The following MYO1D variants were observed in gnomAD, a reference collection of about 807,000 sequenced individuals.
MYO1D encodes the protein myosin ID.
In MYO1D, 83 loss-of-function variants were observed where a neutral mutation model predicts 122.0. That is an observed-to-expected ratio of 0.68 (90% CI 0.57 to 0.82). MYO1D has a LOEUF of 0.82. Among genes scored for constraint, MYO1D ranks in the 40% least tolerant of loss-of-function variants. The pLI is 0.00. For missense variants in MYO1D, 1,157 were observed against 1,269.5 expected (o/e 0.91, Z 1.35); for synonymous variants, 464 against 446.9 (o/e 1.04, Z -0.48).
chr17:32,785,174 G>T lies in MYO1D; in HGVS notation c.96-4390C>A, dbSNP rs115985833. 1.3e-3 allele frequency among the ~76,000 whole-genome samples: 198 copies of T among 152,248 alleles called. 1 individual carries two copies. Among genetic ancestry groups the T allele is most frequent in the African/African-American group, 4.4e-3 (181 of 41,544 alleles). ...AAATATATTTGAGTTAGGCAGAAGA[G>T]AAAAAGGAATTTATTTCAGATGACC... is the stretch of plus-strand genomic sequence containing the variant. On this transcript the variant is annotated intron_variant, in intron 1 of 21. Transcript: ENST00000318217.
intron 20 of MYO1D, among the ~76,000 whole-genome samples, chr17:32,614,823 C>T (rs527441828): frequency 6.3e-4 from 96 of 152,324 alleles, no homozygotes; most frequent in African/African-American, 2.2e-3. Flanking sequence ...GGTGCCATGC[C>T]GTGAGGCAGC....
At chr17:32,769,625 G>C (rs957313053) in intron 6 of MYO1D, among the ~76,000 whole-genome samples, 3 of 151,858 alleles carry the variant, frequency 2.0e-5, no homozygotes, top group African/African-American at 7.3e-5. Context: ...ATAAAAACAG[G>C]TTTATTTAAT....
At chr17:32,564,950 T>G (rs1298788546) in intron 21 of MYO1D, among the ~76,000 whole-genome samples, 4 of 152,242 alleles carry the variant, frequency 2.6e-5, no homozygotes, top group African/African-American at 9.6e-5. Flanking sequence ...TGATAACTCT[T>G]CCTGCTTCAT....
intron 21 of MYO1D, among the ~76,000 whole-genome samples, chr17:32,508,313 C>T (rs1037431872): frequency 1.8e-4 from 27 of 151,858 alleles, no homozygotes; most frequent in Admixed American, 6.6e-5. Context: ...CTTGCTCTGT[C>T]ACCCAGGCTG....
intron 16 of MYO1D, among the ~76,000 whole-genome samples, chr17:32,710,673 A>G (rs927258074): frequency 3.3e-5 from 5 of 152,250 alleles, no homozygotes; most frequent in African/African-American, 4.8e-5. Flanking sequence ...AGGAGAATAT[A>G]TAACATCTAA....
chr17:32,723,176 A>G (rs971382889), intron 14 of MYO1D, among the ~76,000 whole-genome samples: 1 of 152,196 alleles, frequency 6.6e-6, no homozygotes, highest in Non-Finnish European at 1.5e-5. Context: ...TCTGTGAATC[A>G]TTCTAGTGAA....
Position 32,659,317 on chromosome 17 carries a change from G to C in MYO1D, c.2143C>G (p.Arg715Gly), listed in dbSNP as rs767385284. The C allele has an allele frequency of 6.2e-7, 1 of 1,613,954 alleles. No individual in the cohort carries two copies. Among genetic ancestry groups the C allele is most frequent in the Non-Finnish European group, 8.5e-7 (1 of 1,180,026 alleles). The change falls in exon 17 of 22, where the codon CGC becomes GGC. Residue 715 changes from arginine to glycine, a missense_variant. Physicochemically the swap from Arg to Gly is moderately radical, Grantham distance 125. Coordinates refer to ENST00000318217, the MANE Select transcript of MYO1D (RefSeq NM_015194.3). The stretch of plus-strand genomic sequence containing the variant: ...GCCTTGGTTCTTTTGTACCGCATGC[G>C]GGCCAGGGTGCCCCGCCACACCTTC... The part of the protein sequence containing the change: ...LQKVWRGTLA[R>G]MRYKRTKAAL...
At chr17:32,739,455 G>C (rs1186595418) in intron 13 of MYO1D, among the ~76,000 whole-genome samples, 1 of 146,218 alleles carries the variant, frequency 6.8e-6, no homozygotes, top group Non-Finnish European at 1.5e-5. Flanking sequence ...AGAACACTCG[G>C]ACAGAGGAAG....
intron 21 of MYO1D, among the ~76,000 whole-genome samples, chr17:32,514,036 G>C (rs922623540): frequency 2.6e-5 from 4 of 151,828 alleles, no homozygotes; most frequent in African/African-American, 7.3e-5. Context: ...GAGGTCAGGA[G>C]TTCAAGACCA....
intron 21 of MYO1D, among the ~76,000 whole-genome samples, chr17:32,562,520 T>C (rs2087135249): frequency 6.6e-6 from 1 of 152,192 alleles, no homozygotes; most frequent in Non-Finnish European, 1.5e-5. Flanking sequence ...TCTTGCTCTG[T>C]TGCCCAGGCT....
At chr17:32,741,224 TAAAA>T (rs58505921) in intron 13 of MYO1D, among the ~76,000 whole-genome samples, 3 of 100,300 alleles carry the variant, frequency 3.0e-5, no homozygotes, top group Non-Finnish European at 6.3e-5. Context: ...ATACCACTTC[TAAAA>T]AAAAAAAAAA....
At chr17:32,545,879 A>G (rs1280104007) in intron 21 of MYO1D, among the ~76,000 whole-genome samples, 1 of 151,700 alleles carries the variant, frequency 6.6e-6, no homozygotes, top group Non-Finnish European at 1.5e-5. Context: ...TAAGAATTTA[A>G]GGTCTGTTTC....
chr17:32,728,878 T>A (rs565814216), intron 14 of MYO1D, among the ~76,000 whole-genome samples: 4 of 152,304 alleles, frequency 2.6e-5, no homozygotes, highest in Admixed American at 6.5e-5. Flanking sequence ...AGTGGCAATA[T>A]TGGATGAGAC....
chr17:32,574,713 C>G (rs141181326), intron 21 of MYO1D, among the ~76,000 whole-genome samples: 1 of 152,154 alleles, frequency 6.6e-6, no homozygotes, highest in Non-Finnish European at 1.5e-5. Context: ...ATTGAGAAAA[C>G]AAAAGTAAAG....
chr17:32,643,483 G>A (rs2088235403), intron 19 of MYO1D, among the ~76,000 whole-genome samples: 1 of 152,152 alleles, frequency 6.6e-6, no homozygotes, highest in South Asian at 2.1e-4. Context: ...GATTGGAATA[G>A]TTTCAGAAGG....
At chr17:32,583,502 C>T (rs1348533868) in intron 21 of MYO1D, among the ~76,000 whole-genome samples, 2 of 152,104 alleles carry the variant, frequency 1.3e-5, no homozygotes, top group Non-Finnish European at 2.9e-5. Context: ...GCTTACTAGT[C>T]CTTTATATAT....
chr17:32,800,594 G>A (rs1332448481), intron 1 of MYO1D, among the ~76,000 whole-genome samples: 5 of 152,142 alleles, frequency 3.3e-5, no homozygotes, highest in African/African-American at 4.8e-5. Context: ...CAACATGTAC[G>A]AAGTTTCAGC....
chr17:32,554,629 A>C (rs1227631021), intron 21 of MYO1D, among the ~76,000 whole-genome samples: 1 of 152,246 alleles, frequency 6.6e-6, no homozygotes, highest in African/African-American at 2.4e-5. Context: ...TGTTGAAAAA[A>C]GAATGCAGAA....
At chr17:32,652,099 C>A (rs925338591) in intron 19 of MYO1D, among the ~76,000 whole-genome samples, 3 of 152,134 alleles carry the variant, frequency 2.0e-5, no homozygotes, top group Non-Finnish European at 4.4e-5. Flanking sequence ...CTGTACATCT[C>A]TCTCTCTCTG....
Sources: allele counts gnomAD v4.1 joint callset (sites outside exome capture counted in the v4.1 genomes callset), GRCh38; gene constraint gnomAD v4.1.1; transcripts MANE v1.5; gene names NCBI Gene and HGNC (gene_info 2026-07-23, HGNC 2026-07-21).